Variants in PIK3R5 observed in about 807,000 individuals in gnomAD.
The protein encoded by PIK3R5 is phosphoinositide 3-kinase regulatory subunit 5.
Under a neutral mutation model 94.9 loss-of-function variants are expected in PIK3R5, and 32 were observed. The ratio of observed to expected loss-of-function variants is 0.34; its 90% confidence interval spans 0.25 to 0.45. The LOEUF (loss-of-function observed/expected upper bound fraction) is 0.45. Ranked by LOEUF, PIK3R5 falls within the 20% of genes least tolerant of loss-of-function variation. The pLI is 1.00. For synonymous variants in PIK3R5, 443 were observed against 479.4 expected (o/e 0.92, Z 0.99); for missense variants, 853 against 1,144.6 (o/e 0.75, Z 3.68).
chr17:8,938,856 G>A (rs564594886), intron 1 of PIK3R5, among the ~76,000 whole-genome samples: 1 of 152,296 alleles, frequency 6.6e-6, no homozygotes, highest in African/African-American at 2.4e-5. Flanking sequence ...TTGGATACAT[G>A]GGAGCTACTT....
At position 8,935,647 on chromosome 17, in the gene PIK3R5, A is replaced by G. The variant is rs1357091856; in HGVS notation, c.-13-24140T>C. Among the ~76,000 whole-genome samples the G allele has an allele frequency of 6.6e-6, 1 of 152,102 alleles. No individual in the cohort carries two copies. The highest frequency in any genetic ancestry group is 1.9e-4 in the East Asian group (1 of 5,198). ...TGTGCTCTCCCCTCACCCTATCCCC[A>G]TGCTAAATAAGAAGGCAACCATCCT... On this transcript the variant is annotated intron_variant, in intron 1 of 18. Coordinates refer to ENST00000447110, the MANE Select transcript of PIK3R5 (RefSeq NM_001142633.3). This position sits in a 1 kb window ranked among gnomAD's most constrained non-coding sequence, Gnocchi z 4.5.
Position 8,881,013 on chromosome 17 carries a change from C to T in PIK3R5, c.2387G>A (p.Ser796Asn), listed in dbSNP as rs1449481610. 3 of 1,613,362 alleles carry T rather than the reference C, an allele frequency of 1.9e-6. No individual in the cohort carries two copies. The highest frequency in any genetic ancestry group is 1.7e-5 in the Admixed American group (1 of 60,000). The change falls in exon 18 of 19, where the codon AGC becomes AAC. Residue 796 changes from serine to asparagine, a missense_variant. Physicochemically the swap from Ser to Asn is conservative, Grantham distance 46. Around this residue, in one of 6 missense-constraint regions of PIK3R5, gnomAD observed 173 missense variants for 274.1 expected, o/e 0.63. Transcript: ENST00000447110. The surrounding 1 kb of genome is among the most constrained non-coding windows in gnomAD (Gnocchi z 4.8). ...CTTGTCCACTTTGATCTGCGATGTG[C>T]TAATCTGGAAGGAAGGCCCAGGTCA... ...SKSKKGFNQI[S>N]TSQIKVDKVQ...
In PIK3R5 at chr17:8,881,530, T is replaced by TGCACACACATACATGTGCACACAC. The variant is rs2089658751; in HGVS notation, c.2382+76_2382+99dup. ...ACACACGGGTGTGTATGTGCACACA[T>TGCACACACATACATGTGCACACAC]GCACACACATACATGTGCACACACA... is the stretch of plus-strand genomic sequence containing the variant. On this transcript the variant is annotated intron_variant, in intron 17 of 18. Coordinates refer to ENST00000447110, the MANE Select transcript of PIK3R5 (RefSeq NM_001142633.3). The surrounding 1 kb of genome is among the most constrained non-coding windows in gnomAD (Gnocchi z 4.8). 5 of 919,452 alleles carry TGCACACACATACATGTGCACACAC rather than the reference T, an allele frequency of 5.4e-6. No homozygotes were observed. The highest frequency in any genetic ancestry group is 2.0e-5 in the Admixed American group (1 of 49,840). 57.0% of individuals were successfully genotyped at this position (919,452 alleles called of 1,614,324 possible). A position where few individuals can be genotyped will look rare whatever the true frequency, so the allele number is the denominator to read the frequency against.
chr17:8,932,725 G>A (rs1353121070), intron 1 of PIK3R5, among the ~76,000 whole-genome samples: 2 of 152,176 alleles, frequency 1.3e-5, no homozygotes, highest in South Asian at 4.1e-4. Context: ...AATATGAACA[G>A]AGCCTCAGTG....
chr17:8,956,166 T>C (rs559647816), intron 1 of PIK3R5, among the ~76,000 whole-genome samples: 59 of 147,248 alleles, frequency 4.0e-4, no homozygotes, highest in Non-Finnish European at 7.1e-4. Context: ...TTCTCAAAAA[T>C]AAAAAATAAA....
intron 1 of PIK3R5, among the ~76,000 whole-genome samples, chr17:8,920,617 G>A (rs955364718): frequency 1.3e-5 from 2 of 152,040 alleles, no homozygotes; most frequent in African/African-American, 2.4e-5. Context: ...CAGAGTTATT[G>A]GTCTGTTCAG....
intron 1 of PIK3R5, among the ~76,000 whole-genome samples, chr17:8,964,285 G>GGGAGGC (rs2091622945): frequency 6.6e-6 from 1 of 152,034 alleles, no homozygotes; most frequent in African/African-American, 2.4e-5. Context: ...CCAGCTACTT[G>GGGAGGC]GGAGGCGGAG....
At chr17:8,901,729 C>T (rs539165490) in intron 5 of PIK3R5, among the ~76,000 whole-genome samples, 3 of 152,272 alleles carry the variant, frequency 2.0e-5, no homozygotes, top group African/African-American at 7.2e-5. Flanking sequence ...CTTTTTCGCT[C>T]AACTAGTTAT....
chr17:8,884,837 C>T lies in PIK3R5; in HGVS notation c.2129-54G>A, dbSNP rs454347. On this transcript the variant is annotated intron_variant, in intron 14 of 18. Coordinates refer to ENST00000447110, the MANE Select transcript of PIK3R5 (RefSeq NM_001142633.3). This position sits in a 1 kb window ranked among gnomAD's most constrained non-coding sequence, Gnocchi z 5.8. ...TACCCCTGGCTTCCCCGGCTCCTCA[C>T]GAACGCAGTGGCCTTGCCTCCCTGG... 11 of 1,518,738 alleles carry T rather than the reference C, an allele frequency of 7.2e-6. No individual in the cohort carries two copies. The highest frequency in any genetic ancestry group is 2.2e-5 in the South Asian group (2 of 89,196). 94.1% of individuals were successfully genotyped at this position (1,518,738 alleles called of 1,614,324 possible).
chr17:8,883,171 C>T (rs1311309688), intron 15 of PIK3R5, among the ~76,000 whole-genome samples: 1 of 152,194 alleles, frequency 6.6e-6, no homozygotes, highest in Non-Finnish European at 1.5e-5. Flanking sequence ...AGTTCGAGAC[C>T]AGCCTGGCCA....
At chr17:8,927,767 G>C (rs2090914804) in intron 1 of PIK3R5, among the ~76,000 whole-genome samples, 1 of 152,194 alleles carries the variant, frequency 6.6e-6, no homozygotes, top group Non-Finnish European at 1.5e-5. Flanking sequence ...GGTGCCTGGT[G>C]AGAGGTCTTT....
In PIK3R5 at chr17:8,880,804, G is replaced by A. The variant is rs1341045781; in HGVS notation, c.2496-18C>T. ...CCTCACATCTGTGCAGCAGGGCAGG[G>A]GCCAGGGATCAGAGCAGGCCCCCAT... On this transcript the variant is annotated intron_variant, in intron 18 of 18. Coordinates refer to ENST00000447110, the MANE Select transcript of PIK3R5 (RefSeq NM_001142633.3). The A allele has an allele frequency of 2.5e-6, 4 of 1,612,778 alleles. No homozygotes were observed. Among genetic ancestry groups the A allele is most frequent in the Non-Finnish European group, 3.4e-6 (4 of 1,179,164 alleles).
At position 8,881,898 on chromosome 17, in the gene PIK3R5, G is replaced by A. The variant is rs1381761779; in HGVS notation, c.2206-17C>T. On this transcript the variant is annotated splice_polypyrimidine_tract_variant and intron_variant, in intron 15 of 18. Transcript: ENST00000447110. This position sits in a 1 kb window ranked among gnomAD's most constrained non-coding sequence, Gnocchi z 4.8. Reference sequence around the variant, plus strand: ...GATGGCCCCCTGGAAATGCAGTGTAGCCAGACCCTCTGAGTCCAGAGGCCC... The same window carrying A: ...GATGGCCCCCTGGAAATGCAGTGTAACCAGACCCTCTGAGTCCAGAGGCCC... The A allele has an allele frequency of 1.6e-5, 26 of 1,602,218 alleles. No homozygotes were observed. In the South Asian group the frequency reaches 2.8e-4, roughly 17 times the overall value.
At chr17:8,949,923 T>C (rs1422419522) in intron 1 of PIK3R5, among the ~76,000 whole-genome samples, 2 of 152,212 alleles carry the variant, frequency 1.3e-5, no homozygotes, top group African/African-American at 4.8e-5. Flanking sequence ...AAACAATTTT[T>C]TTAAGTGGAA....
chr17:8,893,725 G>T lies in PIK3R5; in HGVS notation c.413-70C>A. 4.1e-6 allele frequency: 5 copies of T among 1,215,416 alleles called. No homozygotes were observed. Among genetic ancestry groups the T allele is most frequent in the Non-Finnish European group, 6.1e-6 (5 of 821,476 alleles). The allele number at this position is 1,215,416 out of a possible 1,614,324, so 75.3% of individuals were successfully genotyped here. ...CAGCATCGTCCGTGTGCCTCGTGGG[G>T]AGCCAAGCACTGGACAATCAGGTTG... is the stretch of plus-strand genomic sequence containing the variant. On this transcript the variant is annotated intron_variant, in intron 5 of 18. Transcript: ENST00000447110. This position sits in a 1 kb window ranked among gnomAD's most constrained non-coding sequence, Gnocchi z 5.1.
At chr17:8,953,030 T>C (rs1321492823) in intron 1 of PIK3R5, among the ~76,000 whole-genome samples, 2 of 152,312 alleles carry the variant, frequency 1.3e-5, no homozygotes, top group South Asian at 4.1e-4. Flanking sequence ...GCTACATCTA[T>C]CTCAGAGGAG....
rs541572712 is a variant in PIK3R5, at chr17:8,931,292, C to T, written c.-13-19785G>A. On this transcript the variant is annotated intron_variant, in intron 1 of 18. Transcript: ENST00000447110. Reference sequence around the variant, plus strand: ...TTTATCTCATAAAAGAGGTGATATTCGAGAGTCCACCCAAAAGAAGGGGTG... The same window carrying T: ...TTTATCTCATAAAAGAGGTGATATTTGAGAGTCCACCCAAAAGAAGGGGTG... Among the ~76,000 whole-genome samples, 8 of 152,218 alleles carry T rather than the reference C, an allele frequency of 5.3e-5. No homozygotes were observed. In the East Asian group the frequency reaches 1.2e-3, roughly 22 times the overall value.
chr17:8,902,249 A>ATTTTTTTT (rs397960477), intron 5 of PIK3R5, among the ~76,000 whole-genome samples: 2 of 77,194 alleles, frequency 2.6e-5, no homozygotes, highest in Non-Finnish European at 4.6e-5. Flanking sequence ...TGATATATTA[A>ATTTTTTTT]TTTTTTTTTT....
At chr17:8,931,282 A>T (rs2090982136) in intron 1 of PIK3R5, among the ~76,000 whole-genome samples, 1 of 152,200 alleles carries the variant, frequency 6.6e-6, no homozygotes, top group Non-Finnish European at 1.5e-5. Flanking sequence ...CTCATAAAAG[A>T]GGTGATATTC....
Sources: gnomAD v4.1 joint callset for allele counts (sites outside exome capture counted in the v4.1 genomes callset) on GRCh38, gnomAD v4.1.1 for gene constraint, gnomAD v4.1.1 regional missense constraint, Gnocchi (gnomAD v3.1) non-coding constraint, MANE v1.5 for transcripts, NCBI Gene and HGNC (gene_info 2026-07-23, HGNC 2026-07-21) for gene names.